Variants in BCL7A observed in about 807,000 individuals in gnomAD.
BCL7A encodes the protein BAF chromatin remodeling complex subunit BCL7A, also known as B-cell CLL/lymphoma 7 protein family member A.
A neutral mutation model predicts 28.4 loss-of-function variants in BCL7A; 11 were observed. That is an observed-to-expected ratio of 0.39 (90% CI 0.24 to 0.64). The LOEUF (loss-of-function observed/expected upper bound fraction) is 0.64. Among genes scored for constraint, BCL7A ranks in the 30% least tolerant of loss-of-function variants. The probability of loss-of-function intolerance (pLI) is 0.50; values close to 1 mark genes in which losing one functional copy is unlikely to be tolerated. For missense variants in BCL7A, 222 were observed against 274.8 expected (o/e 0.81, Z 1.36); for synonymous variants, 123 against 103.3 (o/e 1.19, Z -1.15).
intron 5 of BCL7A, among the ~76,000 whole-genome samples, chr12:122,055,360 T>A (rs1951869630): frequency 6.6e-6 from 1 of 152,180 alleles, no homozygotes; most frequent in African/African-American, 2.4e-5. Flanking sequence ...TGGGCCCCTC[T>A]CCAGGGCATC....
At position 122,061,638 on chromosome 12, in the gene BCL7A, C is replaced by G. The variant is rs536489286; in HGVS notation, c.*2475C>G. ...CTTCGAGCCAGGGGGCGGGGGATCC[C>G]GAGCAAAAGCCTTCCGTGGACATCA... is the stretch of plus-strand genomic sequence containing the variant. On this transcript the variant is annotated 3_prime_UTR_variant, in exon 6 of 6. Coordinates refer to ENST00000261822, the MANE Select transcript of BCL7A (RefSeq NM_001024808.3). 1 of 221,886 alleles carries G rather than the reference C, an allele frequency of 4.5e-6. No individual in the cohort carries two copies. Among genetic ancestry groups the G allele is most frequent in the Admixed American group, 5.8e-5 (1 of 17,328 alleles). 13.7% of individuals were successfully genotyped at this position (221,886 alleles called of 1,614,324 possible).
chr12:122,024,587 T>C (rs2135836499), intron 1 of BCL7A, among the ~76,000 whole-genome samples: 1 of 151,902 alleles, frequency 6.6e-6, no homozygotes, highest in African/African-American at 2.4e-5. Context: ...ACTCAGCCCA[T>C]GAGACTGTGG....
At chr12:122,025,321 A>AG in intron 1 of BCL7A, among the ~76,000 whole-genome samples, 1 of 151,520 alleles carries the variant, frequency 6.6e-6, no homozygotes, top group South Asian at 2.1e-4. Flanking sequence ...CTCAAACCAA[A>AG]AAAAAAGAAA....
chr12:122,025,477 AT>A (rs1177954692), intron 1 of BCL7A, among the ~76,000 whole-genome samples: 1 of 151,710 alleles, frequency 6.6e-6, no homozygotes, highest in African/African-American at 2.4e-5. Flanking sequence ...ATACAAAAAA[AT>A]TAGCCAGGCG....
At chr12:122,032,395 CCCG>C (rs1307825696) in intron 2 of BCL7A, among the ~76,000 whole-genome samples, 2 of 152,230 alleles carry the variant, frequency 1.3e-5, no homozygotes, top group Non-Finnish European at 2.9e-5. Flanking sequence ...CTGTGCCTTG[CCCG>C]CCATTAGGTG....
chr12:122,030,867 A>C, intron 2 of BCL7A, 86 bp downstream of exon 2: 1 of 1,375,590 alleles, frequency 7.3e-7, no homozygotes, highest in Non-Finnish European at 1.0e-6. Flanking sequence ...ACTGCTACCC[A>C]CCGTGCTGGG....
intron 4 of BCL7A, among the ~76,000 whole-genome samples, chr12:122,050,567 GT>G (rs981507409): frequency 3.6e-4 from 55 of 152,346 alleles, no homozygotes; most frequent in Admixed American, 2.9e-3. Flanking sequence ...GGCAGAGGGG[GT>G]GAGACGGGGG....
At chr12:122,051,866 CTTTTTTTTTTT>C (rs34244407) in intron 4 of BCL7A, among the ~76,000 whole-genome samples, 5 of 80,302 alleles carry the variant, frequency 6.2e-5, no homozygotes, top group African/African-American at 9.9e-5. Context: ...CTCTCTCTCT[CTTTTTTTTTTT>C]TTTTTTTTTT....
chr12:122,024,227 C>T (rs572484240), intron 1 of BCL7A, among the ~76,000 whole-genome samples: 1 of 152,352 alleles, frequency 6.6e-6, no homozygotes, highest in South Asian at 2.1e-4. Flanking sequence ...GCTTTGGGAT[C>T]TCATGGTCCA....
Position 122,043,985 on chromosome 12 carries a change from C to G in BCL7A, c.371C>G (p.Pro124Arg), listed in dbSNP as rs757387359. ...SPAPEPNSAV[P>R]SDGTEAKVDE... The stretch of plus-strand genomic sequence containing the variant: ...GCTCCAGAGCCCAACTCGGCTGTGC[C>G]CAGCGACGGCACCGAGGCCAAGGTG... Residue 124 changes from proline (P) to arginine (R), a missense_variant, in exon 4 of 6, where the codon CCC (proline) becomes CGC (arginine). Pro to Arg is a moderately radical substitution (Grantham distance 103, BLOSUM62 -2). Transcript: ENST00000261822. 38 of 1,613,838 alleles carry G rather than the reference C, an allele frequency of 2.4e-5. No individual in the cohort carries two copies. Among genetic ancestry groups the G allele is most frequent in the Non-Finnish European group, 3.1e-5 (37 of 1,180,006 alleles).
At chr12:122,031,017 T>A (rs931153736) in intron 2 of BCL7A, among the ~76,000 whole-genome samples, 1 of 148,466 alleles carries the variant, frequency 6.7e-6, no homozygotes, top group Admixed American at 6.6e-5. Context: ...GCAAGCTGTG[T>A]CTTCTTCTTC....
intron 5 of BCL7A, 151 bp from the exon 6 acceptor site, chr12:122,058,941 C>T (rs1951896731): frequency 1.6e-6 from 1 of 618,604 alleles, no homozygotes. Flanking sequence ...TCTCTGGAGT[C>T]CACGCTTGGG....
At chr12:122,025,369 T>A (rs2135837666) in intron 1 of BCL7A, among the ~76,000 whole-genome samples, 2 of 151,880 alleles carry the variant, frequency 1.3e-5, no homozygotes, top group East Asian at 1.9e-4. Flanking sequence ...CTCACGCCTG[T>A]AATTTCAGCA....
At chr12:122,038,229 C>G (rs1883894450) in intron 3 of BCL7A, among the ~76,000 whole-genome samples, 1 of 151,558 alleles carries the variant, frequency 6.6e-6, no homozygotes, top group Admixed American at 6.6e-5. Flanking sequence ...GCCAGGAGTT[C>G]AAGACCAGCC....
intron 3 of BCL7A, among the ~76,000 whole-genome samples, chr12:122,039,435 G>A (rs1883922864): frequency 6.8e-6 from 1 of 147,118 alleles, no homozygotes; most frequent in South Asian, 2.1e-4. Context: ...GCAGTGAACA[G>A]TAATTGCACC....
chr12:122,049,525 T>C (rs1205697061), intron 4 of BCL7A, among the ~76,000 whole-genome samples: 1 of 151,888 alleles, frequency 6.6e-6, no homozygotes, highest in Non-Finnish European at 1.5e-5. Context: ...CTACTAAAAA[T>C]ACAAAAAATA....
chr12:122,046,904 GTT>G (rs746529090), intron 4 of BCL7A, among the ~76,000 whole-genome samples: 2 of 138,868 alleles, frequency 1.4e-5, no homozygotes, highest in African/African-American at 2.6e-5. Flanking sequence ...TATTTCTTGG[GTT>G]TTTTTTTTTT....
chr12:122,023,275 C>T (rs920909775), intron 1 of BCL7A, among the ~76,000 whole-genome samples: 2 of 152,170 alleles, frequency 1.3e-5, no homozygotes, highest in Non-Finnish European at 2.9e-5. Context: ...ACTGGGGTCC[C>T]GGAGGGAGAG....
At position 122,047,409 on chromosome 12, in the gene BCL7A, G is replaced by A. The variant is rs571531966; in HGVS notation, c.439+3356G>A. Among the ~76,000 whole-genome samples the A allele has an allele frequency of 9.2e-5, 14 of 151,976 alleles. No homozygotes were observed. In the South Asian group the frequency reaches 1.2e-3, roughly 14 times the overall value. On this transcript the variant is annotated intron_variant, in intron 4 of 5. Coordinates refer to ENST00000261822, the MANE Select transcript of BCL7A (RefSeq NM_001024808.3). Reference sequence around the variant, plus strand: ...CATGGTATTGGGCGCCTGTAGTCCCGGCTACTCGGGAGGCTGAGGCAGGAG... The same window carrying A: ...CATGGTATTGGGCGCCTGTAGTCCCAGCTACTCGGGAGGCTGAGGCAGGAG...
Sources: gnomAD v4.1 joint callset for allele counts (sites outside exome capture counted in the v4.1 genomes callset) on GRCh38, gnomAD v4.1.1 for gene constraint, MANE v1.5 for transcripts, NCBI Gene and HGNC (gene_info 2026-07-23, HGNC 2026-07-21) for gene names.